Variants in DAB1 observed in about 807,000 individuals in gnomAD.
DAB1 encodes the protein disabled homolog 1.
DAB1 carries 15 observed loss-of-function variants against 64.6 expected under a neutral mutation model. That is an observed-to-expected ratio of 0.23 (90% CI 0.16 to 0.36). The LOEUF is 0.36. Ranked by LOEUF, DAB1 falls within the 10% of genes least tolerant of loss-of-function variation. The pLI is 1.00. For synonymous variants in DAB1, 235 were observed against 251.9 expected (o/e 0.93, Z 0.64); for missense variants, 596 against 706.7 (o/e 0.84, Z 1.78).
intron 2 of DAB1, among the ~76,000 whole-genome samples, chr1:57,287,478 G>A (rs1394396): frequency 0.037 from 5,597 of 152,254 alleles, 106 homozygotes; most frequent in African/African-American, 0.05. Flanking sequence ...TATAATGACA[G>A]ATCCAGCCAA....
At chr1:57,106,259 C>CG (rs371571942) in intron 4 of DAB1, among the ~76,000 whole-genome samples, 6 of 140,790 alleles carry the variant, frequency 4.3e-5, no homozygotes, top group Admixed American at 2.8e-4. Flanking sequence ...CCCCTAACAC[C>CG]CCCCCCCATC....
At chr1:57,293,330 T>C (rs564291735) in intron 1 of DAB1, among the ~76,000 whole-genome samples, 2 of 152,288 alleles carry the variant, frequency 1.3e-5, no homozygotes, top group Middle Eastern at 3.4e-3. Context: ...TATTTTATGA[T>C]TTGATTTTTG....
chr1:58,166,739 T>G lies in DAB1; in HGVS notation n.310-16151A>C, dbSNP rs553637641. Reference sequence around the variant, plus strand: ...ATGTTTAACATTTTTTGTTGTTGTTTTTGTTTGTTCGTTTTTTTTTTTTTT... The same window carrying G: ...ATGTTTAACATTTTTTGTTGTTGTTGTTGTTTGTTCGTTTTTTTTTTTTTT... On this transcript the variant is annotated intron_variant and non_coding_transcript_variant, in intron 4 of 20. Transcript: ENST00000485760. Among the ~76,000 whole-genome samples the G allele has an allele frequency of 4.8e-4, 71 of 148,706 alleles. No homozygotes were observed. The East Asian group carries it at 0.011, about 24-fold the overall frequency.
intron 7 of DAB1, among the ~76,000 whole-genome samples, chr1:57,575,320 T>A (rs1645237744): frequency 1.3e-5 from 2 of 152,240 alleles, no homozygotes; most frequent in Non-Finnish European, 2.9e-5. Flanking sequence ...ATCATAAAAA[T>A]TCTACATCTA....
intron 4 of DAB1, among the ~76,000 whole-genome samples, chr1:58,263,572 G>A (rs1661096924): frequency 6.6e-6 from 1 of 152,146 alleles, no homozygotes; most frequent in South Asian, 2.1e-4. Flanking sequence ...TACCTCATAA[G>A]GCAGTTGCTA....
chr1:58,294,706 G>A (rs1208489621), intron 4 of DAB1, among the ~76,000 whole-genome samples: 1 of 152,168 alleles, frequency 6.6e-6, no homozygotes, highest in Non-Finnish European at 1.5e-5. Context: ...AGCACAGAGT[G>A]GGGAAGCCTT....
chr1:58,071,364 GT>G (rs1243165343), intron 5 of DAB1, among the ~76,000 whole-genome samples: 11 of 11,904 alleles, frequency 9.2e-4, no homozygotes, highest in Admixed American at 3.7e-3. Flanking sequence ...AAGGAGAATG[GT>G]GTGTGTGTGT....
intron 6 of DAB1, among the ~76,000 whole-genome samples, chr1:57,740,046 C>CAAAAAAAAAAAAAA (rs34382329): frequency 5.1e-4 from 53 of 103,050 alleles, no homozygotes; most frequent in South Asian, 1.1e-3. Context: ...ACTACTACTA[C>CAAAAAAAAAAAAAA]AAAAAAAAAA....
intron 5 of DAB1, among the ~76,000 whole-genome samples, chr1:58,090,041 T>G (rs927598142): frequency 6.6e-6 from 1 of 151,992 alleles, no homozygotes; most frequent in Non-Finnish European, 1.5e-5. Flanking sequence ...CTGCCTGACA[T>G]CAAAGGCAGC....
At chr1:58,152,632 A>G (rs1655005076) in intron 4 of DAB1, among the ~76,000 whole-genome samples, 3 of 152,250 alleles carry the variant, frequency 2.0e-5, no homozygotes, top group Non-Finnish European at 2.9e-5. Context: ...GCTAATCCCT[A>G]TTGCAACATC....
chr1:57,800,197 A>C (rs11207109), intron 6 of DAB1, among the ~76,000 whole-genome samples: 100,538 of 151,924 alleles, frequency 0.66, 33,852 homozygotes, highest in African/African-American at 0.77. Flanking sequence ...GGGATCTGTG[A>C]CCTTGATCAC....
intron 1 of DAB1, among the ~76,000 whole-genome samples, chr1:57,324,268 A>T (rs1675975951): frequency 6.6e-6 from 1 of 152,214 alleles, no homozygotes; most frequent in African/African-American, 2.4e-5. Context: ...TCAGGAATTC[A>T]CACTAAACTC....
intron 4 of DAB1, among the ~76,000 whole-genome samples, chr1:58,219,157 C>T (rs1286702218): frequency 6.6e-6 from 1 of 152,052 alleles, no homozygotes; most frequent in African/African-American, 2.4e-5. Flanking sequence ...CCCAAGGCTC[C>T]TCCTCTGTCT....
intron 7 of DAB1, among the ~76,000 whole-genome samples, chr1:57,649,252 T>C (rs1368387787): frequency 2.6e-5 from 4 of 152,302 alleles, no homozygotes; most frequent in Admixed American, 1.3e-4. Flanking sequence ...GCTAACATAG[T>C]TCTGTTGAAA....
intron 5 of DAB1, among the ~76,000 whole-genome samples, chr1:58,054,310 CAA>C (rs1373627156): frequency 6.6e-6 from 1 of 152,194 alleles, no homozygotes; most frequent in Non-Finnish European, 1.5e-5. Flanking sequence ...ACTACCAGTG[CAA>C]AGAGTTCTTT....
At chr1:57,508,165 C>T (rs971869176) in intron 7 of DAB1, among the ~76,000 whole-genome samples, 1 of 152,148 alleles carries the variant, frequency 6.6e-6, no homozygotes, top group South Asian at 2.1e-4. Flanking sequence ...CCTATCTCTG[C>T]AACTTTCCCC....
In DAB1 at chr1:57,922,845, C is replaced by CAAAAAAAAAAAAAAAAAA. The variant is rs367897659; in HGVS notation, n.388-38701_388-38684dup. 5.8e-4 allele frequency among the ~76,000 whole-genome samples: 26 copies of CAAAAAAAAAAAAAAAAAA among 45,004 alleles called. 2 individuals carry two copies. Among genetic ancestry groups the CAAAAAAAAAAAAAAAAAA allele is most frequent in the African/African-American group, 2.0e-3 (18 of 8,852 alleles). 29.5% of individuals were successfully genotyped at this position (45,004 alleles called of 152,430 possible). A position where few individuals can be genotyped will look rare whatever the true frequency, so the allele number is the denominator to read the frequency against. ...TGGGTGACAAAGCGAGACTCCATCT[C>CAAAAAAAAAAAAAAAAAA]AAAAAAAAAAAAAAAAAAAAAAAGA... On this transcript the variant is annotated intron_variant and non_coding_transcript_variant, in intron 5 of 20. Coordinates refer to the DAB1 transcript ENST00000485760.
At chr1:57,486,989 C>T (rs904746294) in intron 7 of DAB1, among the ~76,000 whole-genome samples, 6 of 151,732 alleles carry the variant, frequency 4.0e-5, no homozygotes, top group African/African-American at 9.7e-5. Flanking sequence ...ACAACGACCT[C>T]GGCATATAAA....
At chr1:58,074,564 G>GTGTATATATATATATATA (rs1332531604) in intron 5 of DAB1, 18 of 91,628 alleles carry the variant, frequency 2.0e-4, no homozygotes, top group African/African-American at 7.4e-4. Flanking sequence ...ATATATGTGT[G>GTGTATATATATATATATA]TATATATATA....
Sources: gnomAD v4.1 joint callset for allele counts (sites outside exome capture counted in the v4.1 genomes callset) on GRCh38, gnomAD v4.1.1 for gene constraint, MANE v1.5 for transcripts, NCBI Gene and HGNC (gene_info 2026-07-23, HGNC 2026-07-21) for gene names.